Variants in TVP23C observed in about 807,000 individuals in gnomAD.
TVP23C encodes Golgi apparatus membrane protein TVP23 homolog C.
In TVP23C, 19 loss-of-function variants were observed where a neutral mutation model predicts 28.7. The observed-to-expected ratio is 0.66, with a 90% CI of 0.46 to 0.97. The LOEUF is 0.97. TVP23C is among the 50% of genes least tolerant of loss of function. The pLI is 0.00. For missense variants in TVP23C, 186 were observed against 241.3 expected (o/e 0.77, Z 1.52); for synonymous variants, 68 against 81.7 (o/e 0.83, Z 0.90).
In TVP23C at chr17:15,537,437, G is replaced by A. The variant is rs550567876; in HGVS notation, c.*2975C>T. On this transcript the variant is annotated 3_prime_UTR_variant, in exon 6 of 6. Transcript: ENST00000518321. The stretch of plus-strand genomic sequence containing the variant: ...AACTTTCAATCTAGCTATCCTTTCT[G>A]TAAAATAAATAGAATAGCAGCAATC... 100 of 985,072 alleles carry A rather than the reference G, an allele frequency of 1.0e-4. No individual in the cohort carries two copies. The African/African-American group carries it at 1.6e-3, about 16-fold the overall frequency. 61.0% of individuals were successfully genotyped at this position (985,072 alleles called of 1,614,324 possible).
exon 6 of TVP23C, chr17:15,502,790 T>C: frequency 6.8e-7 from 1 of 1,470,418 alleles, no homozygotes; most frequent in Non-Finnish European, 9.0e-7. Context: ...TCCCTCCCTC[T>C]CTCCTCTCTC....
At chr17:15,532,850 T>C (rs1983004153), downstream of TVP23C, among the ~76,000 whole-genome samples, 1 of 152,220 alleles carries the variant, frequency 6.6e-6, no homozygotes, top group Non-Finnish European at 1.5e-5. Context: ...CTTAGAACAC[T>C]AGACATTACC....
At chr17:15,514,541 T>C (rs943492213) in intron 5 of TVP23C, among the ~76,000 whole-genome samples, 4 of 151,572 alleles carry the variant, frequency 2.6e-5, no homozygotes, top group African/African-American at 9.7e-5. Flanking sequence ...ACAAACAGCA[T>C]GAAAGAAAGG....
chr17:15,510,663 A>T (rs1157944107), intron 5 of TVP23C, among the ~76,000 whole-genome samples: 1 of 152,176 alleles, frequency 6.6e-6, no homozygotes, highest in Non-Finnish European at 1.5e-5. Context: ...AATAATAACT[A>T]CCATTTACCA....
intron 5 of TVP23C, chr17:15,507,170 A>C (rs1597501498): frequency 2.7e-6 from 2 of 754,480 alleles, no homozygotes; most frequent in Non-Finnish European, 4.7e-6. Flanking sequence ...CAAATGCAGG[A>C]CCCGATACAA....
intron 2 of TVP23C, among the ~76,000 whole-genome samples, chr17:15,554,783 A>G (rs1014259331): frequency 2.0e-5 from 3 of 152,144 alleles, no homozygotes; most frequent in African/African-American, 4.8e-5. Context: ...AGATTTGCCT[A>G]TTCTGGACAT....
chr17:15,522,654 CATT>C (rs1982528239), intron 5 of TVP23C, among the ~76,000 whole-genome samples: 1 of 152,114 alleles, frequency 6.6e-6, no homozygotes, highest in Non-Finnish European at 1.5e-5. Flanking sequence ...TGCAGCATAT[CATT>C]ATTACATTGA....
At position 15,538,612 on chromosome 17, in the gene TVP23C, A is replaced by G; in HGVS notation, c.*1800T>C. On this transcript the variant is annotated 3_prime_UTR_variant, in exon 6 of 6. Coordinates refer to ENST00000518321, the MANE Select transcript of TVP23C (RefSeq NM_001135036.2). ...TCTCAAAAAAAATAAATAAATAAAA[A>G]AGTAGACATGCGCTAATGAAGTAAA... 1 of 984,946 alleles carries G rather than the reference A, an allele frequency of 1.0e-6. No individual in the cohort carries two copies. The allele number at this position is 984,946 out of a possible 1,614,324, so 61.0% of individuals were successfully genotyped here.
chr17:15,528,175 C>T (rs1432106840), intron 5 of TVP23C, among the ~76,000 whole-genome samples: 1 of 151,924 alleles, frequency 6.6e-6, no homozygotes, highest in African/African-American at 2.4e-5. Context: ...CTTCTAGTTT[C>T]TTAAGATGAA....
downstream of TVP23C, among the ~76,000 whole-genome samples, chr17:15,532,165 C>T (rs1982974497): frequency 6.6e-6 from 1 of 152,144 alleles, no homozygotes; most frequent in Non-Finnish European, 1.5e-5. Context: ...TCACACTCCC[C>T]TTTTTTTAAG....
chr17:15,521,438 A>C (rs1030373326), intron 5 of TVP23C, among the ~76,000 whole-genome samples: 2 of 152,126 alleles, frequency 1.3e-5, no homozygotes. Context: ...CAGGAGGCGG[A>C]GCTTGCAGTG....
Position 15,539,872 on chromosome 17 carries a change from T to G in TVP23C, c.*540A>C, listed in dbSNP as rs1395581145. ...ACTTTGGGAGGCTGAGGTGGGCAGA[T>G]CACAAGGTCATGAGATGGAGACCAT... On this transcript the variant is annotated 3_prime_UTR_variant, in exon 6 of 6. Transcript: ENST00000518321. 1 of 831,940 alleles carries G rather than the reference T, an allele frequency of 1.2e-6. No individual in the cohort carries two copies. Among genetic ancestry groups the G allele is most frequent in the Non-Finnish European group, 1.4e-6 (1 of 690,404 alleles). 51.5% of individuals were successfully genotyped at this position (831,940 alleles called of 1,614,324 possible). A position where few individuals can be genotyped will look rare whatever the true frequency, so the allele number is the denominator to read the frequency against.
At chr17:15,551,963 TATAAGTAATTTTGCCAAGGATAA>T (rs1247215125) in intron 3 of TVP23C, among the ~76,000 whole-genome samples, 3 of 152,236 alleles carry the variant, frequency 2.0e-5, no homozygotes, top group Non-Finnish European at 4.4e-5. Context: ...TTTTGCTATC[TATAAGTAATTTTGCCAAGGATAA>T]AAGGGTGCCA....
chr17:15,540,278 T>G lies in TVP23C; in HGVS notation c.*134A>C. 3 of 1,365,690 alleles carry G rather than the reference T, an allele frequency of 2.2e-6. No homozygotes were observed. Among genetic ancestry groups the G allele is most frequent in the Non-Finnish European group, 2.9e-6 (3 of 1,041,222 alleles). The allele number at this position is 1,365,690 out of a possible 1,614,324, so 84.6% of individuals were successfully genotyped here. A position where few individuals can be genotyped will look rare whatever the true frequency, so the allele number is the denominator to read the frequency against. ...CTGACAATACACTTCCAGACTGTCT[T>G]GAACACCCCCAAAGAGCAATTACAA... On this transcript the variant is annotated 3_prime_UTR_variant, in exon 6 of 6. Transcript: ENST00000518321.
intron 5 of TVP23C, among the ~76,000 whole-genome samples, chr17:15,512,738 A>G (rs1161127278): frequency 6.6e-6 from 1 of 152,236 alleles, no homozygotes; most frequent in Admixed American, 6.5e-5. Context: ...AGATCAGGAA[A>G]TATTAAGTTA....
At chr17:15,517,666 G>A (rs569039685) in intron 5 of TVP23C, among the ~76,000 whole-genome samples, 39 of 152,260 alleles carry the variant, frequency 2.6e-4, no homozygotes, top group African/African-American at 9.4e-4. Flanking sequence ...CATTACCTAG[G>A]TTGTCTCATT....
chr17:15,503,885 G>A (rs1263605534), intron 5 of TVP23C, among the ~76,000 whole-genome samples: 1 of 152,072 alleles, frequency 6.6e-6, no homozygotes, highest in Non-Finnish European at 1.5e-5. Flanking sequence ...TCTAGGAGGA[G>A]TGGGTGTCAG....
chr17:15,550,741 A>T (rs151311311), intron 3 of TVP23C, among the ~76,000 whole-genome samples: 1 of 152,176 alleles, frequency 6.6e-6, no homozygotes, highest in East Asian at 1.9e-4. Flanking sequence ...TCCATATCTC[A>T]TCTGATAATA....
At chr17:15,556,138 A>C (rs1180666822) in intron 1 of TVP23C, among the ~76,000 whole-genome samples, 1 of 152,000 alleles carries the variant, frequency 6.6e-6, no homozygotes, top group Admixed American at 6.6e-5. Flanking sequence ...GCTGGTCTTG[A>C]ACTCCTGACC....
Sources: allele counts gnomAD v4.1 joint callset (sites outside exome capture counted in the v4.1 genomes callset), GRCh38; gene constraint gnomAD v4.1.1; transcripts MANE v1.5; gene names NCBI Gene and HGNC (gene_info 2026-07-23, HGNC 2026-07-21).